The following TACC2 variants were observed in gnomAD, a reference collection of about 807,000 sequenced individuals.
The protein encoded by TACC2 is transforming acidic coiled-coil containing protein 2.
In TACC2, 137 loss-of-function variants were observed where a neutral mutation model predicts 227.3. The observed-to-expected ratio is 0.60, with a 90% confidence interval of 0.52 to 0.69. The LOEUF is 0.69. Ranked by LOEUF, TACC2 falls within the 30% of genes least tolerant of loss-of-function variation. The pLI, the probability that TACC2 is intolerant of heterozygous loss-of-function variation, is 0.00. For synonymous variants in TACC2, 1,523 were observed against 1,487.5 expected, an observed-to-expected ratio of 1.02 and a Z score of -0.55; for missense variants, 3,470 against 3,694.4, an observed-to-expected ratio of 0.94 and a Z score of 1.57.
intron 11 of TACC2, among the ~76,000 whole-genome samples, chr10:122,221,946 C>T (rs1302658775): frequency 1.3e-5 from 2 of 152,176 alleles, no homozygotes; most frequent in Admixed American, 1.3e-4. Flanking sequence ...TAGAGACAGA[C>T]GAAAGCAGCA....
rs764915560 is a variant in TACC2 at position 122,084,930 on chromosome 10, G to T, written c.2430G>T (p.Gly810=). The change falls in exon 4 of 23, where the codon GGG becomes GGT. Residue 810 remains glycine (G), a synonymous_variant. Transcript: ENST00000369005. ...AGCAGGGAATCCCATCCTGCCCAGG[G>T]GAAGGCTGGATAAGAGGAGCTGCAT... ...QDQQGIPSCP[G]EGWIRGAASE... 3 of 1,614,132 alleles carry T rather than the reference G, an allele frequency of 1.9e-6. No individual in the cohort carries two copies. The highest frequency in any genetic ancestry group is 2.5e-6 in the Non-Finnish European group (3 of 1,180,038).
intron 7 of TACC2, among the ~76,000 whole-genome samples, chr10:122,179,323 C>G (rs191899755): frequency 1.3e-5 from 2 of 152,322 alleles, no homozygotes; most frequent in East Asian, 3.9e-4. Context: ...CGTATTTAAA[C>G]CACTGATTAT....
rs1217218399 is a variant in TACC2 at position 122,217,983 on chromosome 10, C to T, written c.7546+1155C>T. 4.0e-5 allele frequency among the ~76,000 whole-genome samples: 6 copies of T among 151,680 alleles called. No homozygotes were observed. The East Asian group carries it at 9.8e-4, about 25-fold the overall frequency. ...TTTTTGAGATGGAGTCTCACTCTGTCGCCCAGGCTGGAGTGCAATGATGTG... is the reference window on the plus strand; with the variant it reads ...TTTTTGAGATGGAGTCTCACTCTGTTGCCCAGGCTGGAGTGCAATGATGTG... On this transcript the variant is annotated intron_variant, in intron 11 of 22. Transcript: ENST00000369005.
chr10:121,999,138 A>G (rs1953954505), intron 1 of TACC2, among the ~76,000 whole-genome samples: 1 of 151,718 alleles, frequency 6.6e-6, no homozygotes, highest in Admixed American at 6.6e-5. Context: ...CCTCCTGAGT[A>G]GCTGGGACTA....
intron 2 of TACC2, among the ~76,000 whole-genome samples, chr10:122,041,234 C>T (rs770268583): frequency 6.6e-6 from 1 of 152,188 alleles, no homozygotes; most frequent in Non-Finnish European, 1.5e-5. Flanking sequence ...CTACGGTTAA[C>T]TTGAAGGTCC....
chr10:122,029,827 C>T (rs1229039783), intron 2 of TACC2, among the ~76,000 whole-genome samples: 3 of 151,566 alleles, frequency 2.0e-5, no homozygotes, highest in Non-Finnish European at 4.4e-5. Context: ...AGGTTCAACC[C>T]CTTCTTTGGG....
intron 2 of TACC2, among the ~76,000 whole-genome samples, chr10:122,043,208 G>T (rs1202101629): frequency 3.9e-5 from 6 of 152,156 alleles, no homozygotes; most frequent in African/African-American, 1.4e-4. Context: ...TCAACATTGG[G>T]TATGTTTTTG....
intron 7 of TACC2, among the ~76,000 whole-genome samples, chr10:122,191,895 T>C (rs2094423520): frequency 6.6e-6 from 1 of 152,176 alleles, no homozygotes; most frequent in Admixed American, 6.5e-5. Flanking sequence ...GGAAAAGAAA[T>C]ATCAAACAGC....
chr10:122,208,431 G>T (rs1445938035), intron 8 of TACC2, among the ~76,000 whole-genome samples: 12 of 152,186 alleles, frequency 7.9e-5, no homozygotes, highest in Admixed American at 7.9e-4. Context: ...GCACTCTGCA[G>T]AATACTCACT....
At chr10:122,073,126 A>AAAAAATATATATAT (rs1383487943) in intron 3 of TACC2, among the ~76,000 whole-genome samples, 3 of 71,018 alleles carry the variant, frequency 4.2e-5, no homozygotes, top group East Asian at 3.7e-4. Flanking sequence ...AAAAAAAAAA[A>AAAAAATATATATAT]ATATATATAT....
intron 3 of TACC2, among the ~76,000 whole-genome samples, chr10:122,054,946 A>G (rs1317880480): frequency 6.6e-6 from 1 of 152,124 alleles, no homozygotes; most frequent in Non-Finnish European, 1.5e-5. Flanking sequence ...TGGGCAGGGC[A>G]TGGTGGCTCA....
chr10:122,005,871 T>G (rs551345317), intron 1 of TACC2, among the ~76,000 whole-genome samples: 68 of 151,938 alleles, frequency 4.5e-4, no homozygotes, highest in Non-Finnish European at 7.6e-4. Context: ...TTTTTTGTAC[T>G]TTTAGTTGAG....
intron 1 of TACC2, among the ~76,000 whole-genome samples, chr10:121,997,957 G>T (rs943389050): frequency 6.6e-6 from 1 of 152,084 alleles, no homozygotes; most frequent in Non-Finnish European, 1.5e-5. Context: ...CAGGCACGAA[G>T]ACCAAGACTT....
intron 16 of TACC2, among the ~76,000 whole-genome samples, chr10:122,231,137 A>C (rs1385303687): frequency 6.6e-6 from 1 of 152,236 alleles, no homozygotes; most frequent in Non-Finnish European, 1.5e-5. Context: ...AGCATGGAGT[A>C]TGACATTGAC....
rs2095295976 is a variant in TACC2, at chr10:122,211,681, C to T, written c.7256C>T (p.Ala2419Val). 6.4e-7 allele frequency: 1 copy of T among 1,564,828 alleles called. No homozygotes were observed. The highest frequency in any genetic ancestry group is 1.4e-5 in the African/African-American group (1 of 72,398). ...GVDGDGLNKP[A>V]KKKKTPLKTD... ...GACGGGGATGGGCTAAACAAGCCCG[C>T]CAAGAAGAAGAAGACGCCCCTAAAG... Residue 2419 changes from alanine (A) to valine (V), a missense_variant, in exon 9 of 23, where the codon GCC becomes GTC. Physicochemically the swap from Ala to Val is moderately conservative, Grantham distance 64 (BLOSUM62 0). Coordinates refer to ENST00000369005, the MANE Select transcript of TACC2 (RefSeq NM_206862.4).
intron 7 of TACC2, among the ~76,000 whole-genome samples, chr10:122,154,737 T>C (rs1333265046): frequency 6.6e-6 from 1 of 152,226 alleles, no homozygotes; most frequent in Non-Finnish European, 1.5e-5. Context: ...AGACAGGGCC[T>C]CTCGGCTGGT....
At chr10:122,122,152 G>A (rs534592247) in intron 5 of TACC2, among the ~76,000 whole-genome samples, 8 of 152,156 alleles carry the variant, frequency 5.3e-5, no homozygotes, top group Non-Finnish European at 1.0e-4. Context: ...TCAGGAGATC[G>A]AGACCATCCT....
At chr10:122,231,650 G>A (rs993600103) in intron 16 of TACC2, among the ~76,000 whole-genome samples, 7 of 152,182 alleles carry the variant, frequency 4.6e-5, no homozygotes, top group African/African-American at 1.7e-4. Flanking sequence ...TGATTCACCA[G>A]CCTGTTGGGG....
intron 9 of TACC2, among the ~76,000 whole-genome samples, chr10:122,214,483 C>T (rs923409563): frequency 7.2e-5 from 11 of 152,108 alleles, no homozygotes; most frequent in Admixed American, 5.9e-4. Flanking sequence ...GGAGAGGGAT[C>T]ACCCCCCAAA....
Sources: allele counts gnomAD v4.1 joint callset (sites outside exome capture counted in the v4.1 genomes callset), GRCh38; gene constraint gnomAD v4.1.1; transcripts MANE v1.5; gene names NCBI Gene and HGNC (gene_info 2026-07-23, HGNC 2026-07-21).